PCDHGA1: variants seen among roughly 807,000 people sequenced by gnomAD.
PCDHGA1 encodes the protein protocadherin gamma-A1.
PCDHGA1 carries 32 observed loss-of-function variants against 58.0 expected under a neutral mutation model. The observed-to-expected ratio is 0.55, with a 90% CI of 0.42 to 0.74. PCDHGA1 has a LOEUF of 0.74. Ranked by LOEUF, PCDHGA1 falls within the 30% of genes least tolerant of loss-of-function variation. The pLI is 0.00. For synonymous variants in PCDHGA1, 498 were observed against 501.1 expected, an observed-to-expected ratio of 0.99 and a Z score of 0.08; for missense variants, 1,205 against 1,182.3, an observed-to-expected ratio of 1.02 and a Z score of -0.28.
At chr5:141,404,949 A>G in intron 1 of PCDHGA1, 1 of 1,613,834 alleles carries the variant, frequency 6.2e-7, no homozygotes, top group Non-Finnish European at 8.5e-7. Flanking sequence ...GCCATAGCTG[A>G]CAGCATCCCA....
chr5:141,397,177 A>G (rs1453004001), intron 1 of PCDHGA1, among the ~76,000 whole-genome samples: 1 of 152,250 alleles, frequency 6.6e-6, no homozygotes, highest in Non-Finnish European at 1.5e-5. Flanking sequence ...CTTAAGAATG[A>G]ATTTATGTAC....
chr5:141,433,837 C>CAAAAAA (rs56191208), intron 1 of PCDHGA1, among the ~76,000 whole-genome samples: 2 of 111,692 alleles, frequency 1.8e-5, no homozygotes, highest in Non-Finnish European at 3.9e-5. Context: ...AACTCTATCT[C>CAAAAAA]AAAAAAAAAA....
intron 1 of PCDHGA1, chr5:141,372,339 G>A (rs751001716): frequency 6.2e-7 from 1 of 1,613,798 alleles, no homozygotes; most frequent in South Asian, 1.1e-5. Flanking sequence ...TGTGCGTGAT[G>A]GAGGACAGCA....
intron 1 of PCDHGA1, chr5:141,343,805 A>G: frequency 2.2e-6 from 1 of 457,870 alleles, no homozygotes; most frequent in Non-Finnish European, 3.8e-6. Context: ...CTCAAGAAGG[A>G]GAACGCAGCT....
rs183514769 is a variant in PCDHGA1 at position 141,351,107 on chromosome 5, A to G, written c.2421+18002A>G. The G allele has an allele frequency of 4.5e-4, 724 of 1,614,064 alleles. 4 individuals are homozygous for G. In the East Asian group the frequency reaches 9.0e-3, roughly 20 times the overall value. On this transcript the variant is annotated intron_variant, in intron 1 of 3. Coordinates refer to ENST00000517417, the MANE Select transcript of PCDHGA1 (RefSeq NM_018912.3). ...CACCTATGCCTTCCTCAATTCCCCA[A>G]TAAGTACCAGCCTCTTCAATCTCAA...
chr5:141,460,278 G>C (rs1380767218), intron 1 of PCDHGA1, among the ~76,000 whole-genome samples: 1 of 151,964 alleles, frequency 6.6e-6, no homozygotes, highest in African/African-American at 2.4e-5. Context: ...TTCTTTTATA[G>C]TTTGTATTTC....
intron 1 of PCDHGA1, chr5:141,393,109 G>C (rs2092681202): frequency 1.2e-6 from 2 of 1,613,430 alleles, no homozygotes; most frequent in Non-Finnish European, 1.7e-6. Context: ...TGCGCTCAGA[G>C]CCCGCGGTGT....
At position 141,372,540 on chromosome 5, in the gene PCDHGA1, C is replaced by G. The variant is rs1208837944; in HGVS notation, c.2421+39435C>G. On this transcript the variant is annotated intron_variant, in intron 1 of 3. Transcript: ENST00000517417. Reference sequence around the variant, plus strand: ...GATTCTGGCAATCTCCCTGCGCCTGCGATGCTCCTCCAGACCCGCCACTGA... The same window carrying G: ...GATTCTGGCAATCTCCCTGCGCCTGGGATGCTCCTCCAGACCCGCCACTGA... The G allele has an allele frequency of 1.9e-6, 3 of 1,614,012 alleles. No homozygotes were observed. The highest frequency in any genetic ancestry group is 3.3e-5 in the Admixed American group (2 of 60,026).
rs555568322 is a variant in PCDHGA1 at position 141,366,458 on chromosome 5, G to C, written c.2421+33353G>C. The C allele has an allele frequency of 1.2e-5, 20 of 1,614,092 alleles. No individual in the cohort carries two copies. In the East Asian group the frequency reaches 2.9e-4, roughly 23 times the overall value. ...CTGCGTCTTCCTGGCCTTCGTCATC[G>C]TGCTGCTGGTGCTCAGACTGAGGCG... On this transcript the variant is annotated intron_variant, in intron 1 of 3. Coordinates refer to ENST00000517417, the MANE Select transcript of PCDHGA1 (RefSeq NM_018912.3).
intron 1 of PCDHGA1, chr5:141,344,869 A>G (rs1757485357): frequency 3.7e-6 from 6 of 1,613,822 alleles, no homozygotes; most frequent in African/African-American, 1.3e-5. Context: ...CAAGTGTCTT[A>G]TATTCTAGAT....
At position 141,487,033 on chromosome 5, in the gene PCDHGA1, A is replaced by C. The variant is rs1465525110; in HGVS notation, c.2422-7774A>C. ...AGGCCCCAGATCCCAGCCTGTTTGC[A>C]GTCTCTCGATATGCTGGGGAGGTGC... On this transcript the variant is annotated intron_variant, in intron 1 of 3. Transcript: ENST00000517417. This position sits in a 1 kb window ranked among gnomAD's most constrained non-coding sequence, Gnocchi z 5.0. 3 of 1,614,160 alleles carry C rather than the reference A, an allele frequency of 1.9e-6. No individual in the cohort carries two copies. Among genetic ancestry groups the C allele is most frequent in the Non-Finnish European group, 2.5e-6 (3 of 1,180,032 alleles).
chr5:141,400,928 G>T (rs1365073405), intron 1 of PCDHGA1, among the ~76,000 whole-genome samples: 1 of 152,154 alleles, frequency 6.6e-6, no homozygotes, highest in African/African-American at 2.4e-5. Flanking sequence ...ACTGCTAGTA[G>T]ATGTCTTTCT....
intron 1 of PCDHGA1, chr5:141,339,704 C>T (rs1437597549): frequency 1.2e-6 from 2 of 1,614,082 alleles, no homozygotes; most frequent in African/African-American, 1.3e-5. Context: ...TTTTACACAG[C>T]CCGAGTACCG....
chr5:141,420,199 C>T (rs764130526), intron 1 of PCDHGA1: 12 of 1,613,362 alleles, frequency 7.4e-6, no homozygotes, highest in Non-Finnish European at 1.0e-5. Context: ...CACAAGATAA[C>T]CTCAACAAAG....
At chr5:141,447,657 C>A (rs997179275) in intron 1 of PCDHGA1, among the ~76,000 whole-genome samples, 4 of 152,088 alleles carry the variant, frequency 2.6e-5, no homozygotes, top group Non-Finnish European at 4.4e-5. Context: ...TTTTCCCCCC[C>A]AGGAAGTTAG....
intron 3 of PCDHGA1, among the ~76,000 whole-genome samples, chr5:141,506,567 T>G (rs2099855029): frequency 6.6e-6 from 1 of 152,182 alleles, no homozygotes; most frequent in Non-Finnish European, 1.5e-5. Flanking sequence ...CCCCCTCGGT[T>G]TCACTTACTA....
chr5:141,332,105 T>C lies in PCDHGA1; in HGVS notation c.1421T>C (p.Val474Ala). 1.9e-6 allele frequency: 3 copies of C among 1,614,124 alleles called. No homozygotes were observed. Among genetic ancestry groups the C allele is most frequent in the Non-Finnish European group, 2.5e-6 (3 of 1,180,012 alleles). Residue 474 changes from valine (V) to alanine (A), a missense_variant, in exon 1 of 4, where the codon GTG becomes GCG. Coordinates refer to ENST00000517417, the MANE Select transcript of PCDHGA1 (RefSeq NM_018912.3). This position sits in a 1 kb window ranked among gnomAD's most constrained non-coding sequence, Gnocchi z 4.6. ...NNPRGASIFS[V>A]RAHDLDSNEN... ...CCCAGAGGAGCCTCCATCTTCTCTG[T>C]GAGGGCCCACGACTTGGACAGCAAT...
Position 141,360,552 on chromosome 5 carries a change from T to C in PCDHGA1, c.2421+27447T>C, listed in dbSNP as rs373703966. 24 of 1,613,850 alleles carry C rather than the reference T, an allele frequency of 1.5e-5. No individual in the cohort carries two copies. In the African/African-American group the frequency reaches 2.8e-4, roughly 19 times the overall value. Reference sequence around the variant, plus strand: ...CGCTATTCAAACAGACTAAGATTAATTTAAAAATTGGCGAATCCACTAAGC... The same window carrying C: ...CGCTATTCAAACAGACTAAGATTAACTTAAAAATTGGCGAATCCACTAAGC... On this transcript the variant is annotated intron_variant, in intron 1 of 3. Transcript: ENST00000517417.
At position 141,370,934 on chromosome 5, in the gene PCDHGA1, G is replaced by C. The variant is rs757298448; in HGVS notation, c.2421+37829G>C. The C allele has an allele frequency of 1.2e-6, 2 of 1,613,980 alleles. No homozygotes were observed. Among genetic ancestry groups the C allele is most frequent in the South Asian group, 2.2e-5 (2 of 91,086 alleles). On this transcript the variant is annotated intron_variant, in intron 1 of 3. Coordinates refer to ENST00000517417, the MANE Select transcript of PCDHGA1 (RefSeq NM_018912.3). ...TCAGCCCTGATCCGCACTTCTCTTT[G>C]ATTCAGAAGGAGAACCTGGATGGCA... is the stretch of plus-strand genomic sequence containing the variant.
Sources: gnomAD v4.1 joint callset for allele counts (sites outside exome capture counted in the v4.1 genomes callset) on GRCh38, gnomAD v4.1.1 for gene constraint, Gnocchi (gnomAD v3.1) non-coding constraint, MANE v1.5 for transcripts, NCBI Gene and HGNC (gene_info 2026-07-23, HGNC 2026-07-21) for gene names.